TRHDE: variants seen among roughly 807,000 people sequenced by gnomAD.
TRHDE encodes thyrotropin releasing hormone degrading enzyme.
In TRHDE, 72 loss-of-function variants were observed where a neutral mutation model predicts 125.7. The ratio of observed to expected loss-of-function variants is 0.57; its 90% confidence interval spans 0.47 to 0.70. The LOEUF is 0.70. Among genes scored for constraint, TRHDE ranks in the 30% least tolerant of loss-of-function variants. The pLI is 0.00. For missense variants in TRHDE, 1,110 were observed against 1,327.1 expected (o/e 0.84, Z 2.54); for synonymous variants, 509 against 509.1 (o/e 1.00, Z 0.00).
chr12:72,387,624 A>T (rs999826319), intron 3 of TRHDE, among the ~76,000 whole-genome samples: 2 of 152,130 alleles, frequency 1.3e-5, no homozygotes, highest in Non-Finnish European at 2.9e-5. Flanking sequence ...ATATGGTTTG[A>T]CTGTGTTCCC....
chr12:72,297,633 A>AG (rs1434579481), intron 2 of TRHDE, among the ~76,000 whole-genome samples: 5 of 152,192 alleles, frequency 3.3e-5, no homozygotes. Flanking sequence ...GAATAGTGAA[A>AG]GCCATGAACA....
chr12:72,440,104 G>T (rs1331809482), intron 3 of TRHDE, among the ~76,000 whole-genome samples: 1 of 151,932 alleles, frequency 6.6e-6, no homozygotes, highest in Admixed American at 6.6e-5. Context: ...TCACTGGGAT[G>T]AATCCCACTC....
chr12:72,421,401 A>G (rs1873946964), intron 3 of TRHDE, among the ~76,000 whole-genome samples: 3 of 152,164 alleles, frequency 2.0e-5, no homozygotes, highest in Non-Finnish European at 4.4e-5. Flanking sequence ...ATGAATAGGT[A>G]CACATGGTCT....
chr12:72,649,256 C>A (rs1474592682), intron 15 of TRHDE, among the ~76,000 whole-genome samples: 2 of 151,764 alleles, frequency 1.3e-5, no homozygotes, highest in African/African-American at 4.8e-5. Context: ...CTCAACTGTT[C>A]TTCAACAATG....
intron 15 of TRHDE, among the ~76,000 whole-genome samples, chr12:72,637,366 T>G (rs925966788): frequency 2.0e-5 from 3 of 152,236 alleles, no homozygotes; most frequent in African/African-American, 4.8e-5. Flanking sequence ...TTATCATCTT[T>G]TATTGCATCT....
intron 6 of TRHDE, among the ~76,000 whole-genome samples, chr12:72,509,311 C>T (rs748831245): frequency 9.2e-5 from 14 of 151,754 alleles, no homozygotes; most frequent in Non-Finnish European, 1.9e-4. Context: ...AAGACACAGT[C>T]TTGACCCACA....
chr12:72,487,340 G>C (rs941840788), intron 5 of TRHDE, among the ~76,000 whole-genome samples: 8 of 152,018 alleles, frequency 5.3e-5, no homozygotes, highest in Non-Finnish European at 1.2e-4. Context: ...GGACCATTTT[G>C]ATCATACTGT....
At chr12:72,458,176 T>C (rs1290945393) in intron 3 of TRHDE, among the ~76,000 whole-genome samples, 1 of 152,180 alleles carries the variant, frequency 6.6e-6, no homozygotes, top group Non-Finnish European at 1.5e-5. Context: ...TATTTTACAA[T>C]TTATTTGGGA....
Position 72,440,064 on chromosome 12 carries a change from T to C in TRHDE, c.1316-29694T>C, listed in dbSNP as rs143749840. Among the ~76,000 whole-genome samples, 22 of 152,174 alleles carry C rather than the reference T, an allele frequency of 1.4e-4. No homozygotes were observed. The East Asian group carries it at 2.5e-3, about 17-fold the overall frequency. ...CTGTTAATGTAATTTATCACACTTATTGATTTATGTATGTTGAATCATACT... is the reference window on the plus strand; with the variant it reads ...CTGTTAATGTAATTTATCACACTTACTGATTTATGTATGTTGAATCATACT... On this transcript the variant is annotated intron_variant, in intron 3 of 18. Transcript: ENST00000261180.
chr12:72,173,329 G>A (rs1434394232), intron 2 of TRHDE, among the ~76,000 whole-genome samples: 2 of 152,126 alleles, frequency 1.3e-5, no homozygotes, highest in Non-Finnish European at 2.9e-5. Flanking sequence ...ATAGTGGGTA[G>A]GAAAGGATTA....
chr12:72,597,195 A>AACTC (rs1405660337), intron 12 of TRHDE, among the ~76,000 whole-genome samples: 1 of 152,240 alleles, frequency 6.6e-6, no homozygotes, highest in African/African-American at 2.4e-5. Context: ...GCTATGCCGG[A>AACTC]ACTCACTGAT....
chr12:72,583,923 CTTTTTTTTTTTT>C lies in TRHDE; in HGVS notation c.2321+8397_2321+8408del, dbSNP rs1190363456. ...GCTTGTGGCTCTAAAGGATGACAAA[CTTTTTTTTTTTT>C]TTTTTTTTTTTTTTTGAGACGGAGT... is the stretch of plus-strand genomic sequence containing the variant. On this transcript the variant is annotated intron_variant, in intron 12 of 18. Coordinates refer to ENST00000261180, the MANE Select transcript of TRHDE (RefSeq NM_013381.3). Among the ~76,000 whole-genome samples, 10 of 60,486 alleles carry C rather than the reference CTTTTTTTTTTTT, an allele frequency of 1.7e-4. 1 individual carries two copies. The highest frequency in any genetic ancestry group is 2.2e-4 in the Non-Finnish European group (9 of 41,234). 39.7% of individuals were successfully genotyped at this position (60,486 alleles called of 152,430 possible).
intron 10 of TRHDE, among the ~76,000 whole-genome samples, chr12:72,572,410 G>A (rs1870788995): frequency 1.3e-5 from 2 of 152,044 alleles, no homozygotes; most frequent in South Asian, 2.1e-4. Context: ...CCAGCATCAA[G>A]ATATAACTTC....
intron 7 of TRHDE, among the ~76,000 whole-genome samples, chr12:72,546,985 A>T (rs1304956434): frequency 6.6e-6 from 1 of 151,680 alleles, no homozygotes; most frequent in African/African-American, 2.4e-5. Context: ...GTTGAACCTA[A>T]CTAGCAAAGG....
intron 10 of TRHDE, among the ~76,000 whole-genome samples, chr12:72,570,996 T>C (rs1291807619): frequency 6.6e-6 from 1 of 152,234 alleles, no homozygotes; most frequent in Admixed American, 6.5e-5. Flanking sequence ...CCTGAAAATT[T>C]TGTAAATACA....
chr12:72,404,437 C>T (rs2135806329), intron 3 of TRHDE, among the ~76,000 whole-genome samples: 1 of 152,044 alleles, frequency 6.6e-6, no homozygotes, highest in East Asian at 1.9e-4. Context: ...GAGATTCTGT[C>T]TCAAAAAACA....
At chr12:72,188,689 C>A (rs1490736588) in intron 2 of TRHDE, among the ~76,000 whole-genome samples, 1 of 152,064 alleles carries the variant, frequency 6.6e-6, no homozygotes, top group Non-Finnish European at 1.5e-5. Context: ...TCCAGTCTTT[C>A]AAGAAATGCC....
At chr12:72,230,917 C>T (rs150712640) in intron 2 of TRHDE, among the ~76,000 whole-genome samples, 6 of 152,142 alleles carry the variant, frequency 3.9e-5, no homozygotes, top group South Asian at 2.1e-4. Flanking sequence ...TGTTTTCATT[C>T]GCTGTGTAGA....
At chr12:72,216,660 G>A (rs373045551) in intron 2 of TRHDE, among the ~76,000 whole-genome samples, 8 of 152,098 alleles carry the variant, frequency 5.3e-5, no homozygotes, top group East Asian at 3.8e-4. Flanking sequence ...AGTTTTGTAC[G>A]CTTGACAATT....
Sources: allele counts gnomAD v4.1 joint callset (sites outside exome capture counted in the v4.1 genomes callset), GRCh38; gene constraint gnomAD v4.1.1; transcripts MANE v1.5; gene names NCBI Gene and HGNC (gene_info 2026-07-23, HGNC 2026-07-21).